MYO1D: variants seen among roughly 807,000 people sequenced by gnomAD.
The protein encoded by MYO1D is myosin ID.
Under a neutral mutation model 122.0 loss-of-function variants are expected in MYO1D, and 83 were observed. That is an observed-to-expected ratio of 0.68 (90% confidence interval 0.57 to 0.82). The LOEUF (loss-of-function observed/expected upper bound fraction) is 0.82, where lower values mean the gene tolerates loss of function less well. Ranked by LOEUF, MYO1D falls within the 40% of genes least tolerant of loss-of-function variation. The pLI is 0.00. For missense variants in MYO1D, 1,157 were observed against 1,269.5 expected (o/e 0.91, Z 1.35); for synonymous variants, 464 against 446.9 (o/e 1.04, Z -0.48).
chr17:32,873,410 T>TCATG (rs749980803), intron 1 of MYO1D, among the ~76,000 whole-genome samples: 4 of 151,958 alleles, frequency 2.6e-5, no homozygotes, highest in Non-Finnish European at 5.9e-5. Context: ...AGGGCAGGAG[T>TCATG]CATGAGGTAC....
intron 16 of MYO1D, among the ~76,000 whole-genome samples, chr17:32,709,338 G>C (rs753083748): frequency 1.3e-5 from 2 of 151,962 alleles, no homozygotes; most frequent in Non-Finnish European, 2.9e-5. Context: ...TCAATCTCTT[G>C]AATAGGTAGA....
At chr17:32,671,431 A>T (rs1308856630) in intron 16 of MYO1D, among the ~76,000 whole-genome samples, 1 of 152,234 alleles carries the variant, frequency 6.6e-6, no homozygotes, top group African/African-American at 2.4e-5. Flanking sequence ...TATAGTTAAA[A>T]TTTTAACATT....
At chr17:32,765,304 A>C (rs2090044326) in intron 7 of MYO1D, among the ~76,000 whole-genome samples, 1 of 151,992 alleles carries the variant, frequency 6.6e-6, no homozygotes, top group Non-Finnish European at 1.5e-5. Flanking sequence ...AAAGTTTTAC[A>C]TTTTTATGTA....
In MYO1D at chr17:32,512,108, C is replaced by A. The variant is rs186052313; in HGVS notation, c.2865-17193G>T. Among the ~76,000 whole-genome samples, 940 of 152,210 alleles carry A rather than the reference C, an allele frequency of 6.2e-3. 8 individuals are homozygous for A. The highest frequency in any genetic ancestry group is 0.017 in the Admixed American group (257 of 15,296). On this transcript the variant is annotated intron_variant, in intron 21 of 21. Transcript: ENST00000318217. Reference sequence around the variant, plus strand: ...CTGAGGTCAGGTGTTCGAGACCAGACGGACCAACATGGTGAAACCCCATCT... The same window carrying A: ...CTGAGGTCAGGTGTTCGAGACCAGAAGGACCAACATGGTGAAACCCCATCT...
chr17:32,765,738 G>T (rs1475350480), intron 7 of MYO1D, among the ~76,000 whole-genome samples: 1 of 152,138 alleles, frequency 6.6e-6, no homozygotes, highest in Non-Finnish European at 1.5e-5. Context: ...GATTACAGGC[G>T]TGAGCCACCG....
At chr17:32,638,904 G>T in intron 19 of MYO1D, 69 bp from the exon 20 acceptor site, 1 of 1,068,018 alleles carries the variant, frequency 9.4e-7, no homozygotes, top group Non-Finnish European at 1.5e-6. Context: ...TGATTGTGAA[G>T]ACAAATTCTT....
At chr17:32,666,628 G>A (rs1597987237) in intron 16 of MYO1D, among the ~76,000 whole-genome samples, 1 of 152,266 alleles carries the variant, frequency 6.6e-6, no homozygotes, top group African/African-American at 2.4e-5. Context: ...TAAGAAGTAG[G>A]GCAATTATGT....
chr17:32,679,085 C>T (rs946731125), intron 16 of MYO1D, among the ~76,000 whole-genome samples: 21 of 151,970 alleles, frequency 1.4e-4, no homozygotes, highest in South Asian at 6.2e-4. Flanking sequence ...TCATGTCCTT[C>T]GCCCACTTTT....
chr17:32,528,061 A>G (rs1910399516), intron 21 of MYO1D, among the ~76,000 whole-genome samples: 1 of 151,908 alleles, frequency 6.6e-6, no homozygotes, highest in Non-Finnish European at 1.5e-5. Context: ...CTGGTCTCGA[A>G]CTCCTGACCT....
chr17:32,606,603 A>C (rs1179256162), intron 20 of MYO1D, among the ~76,000 whole-genome samples: 1 of 152,276 alleles, frequency 6.6e-6, no homozygotes, highest in Non-Finnish European at 1.5e-5. Flanking sequence ...GAAAATCCAC[A>C]GATTGTATCA....
chr17:32,861,784 G>A (rs888702724), intron 1 of MYO1D, among the ~76,000 whole-genome samples: 2 of 152,162 alleles, frequency 1.3e-5, no homozygotes, highest in African/African-American at 2.4e-5. Context: ...GGGAGGCCAA[G>A]GCAGGTGTGG....
intron 21 of MYO1D, among the ~76,000 whole-genome samples, chr17:32,597,009 G>T (rs1435821432): frequency 1.3e-5 from 2 of 152,174 alleles, no homozygotes; most frequent in Non-Finnish European, 2.9e-5. Flanking sequence ...CTCACCTTAG[G>T]CTAATGTGAT....
intron 10 of MYO1D, among the ~76,000 whole-genome samples, chr17:32,756,953 C>A (rs2089952849): frequency 6.6e-6 from 1 of 152,158 alleles, no homozygotes; most frequent in African/African-American, 2.4e-5. Context: ...GAAAGGCCAA[C>A]TCAGGCAAGC....
intron 11 of MYO1D, among the ~76,000 whole-genome samples, chr17:32,751,767 A>C (rs935143448): frequency 4.6e-5 from 7 of 152,202 alleles, no homozygotes; most frequent in Non-Finnish European, 8.8e-5. Flanking sequence ...CTGACAAAAG[A>C]AGTCATAGAT....
intron 16 of MYO1D, among the ~76,000 whole-genome samples, chr17:32,678,355 CCACT>C (rs928328942): frequency 6.6e-6 from 1 of 151,062 alleles, no homozygotes; most frequent in African/African-American, 2.4e-5. Context: ...TGCGCTGCAC[CCACT>C]AACTCGTCAT....
At chr17:32,560,292 T>C (rs897628257) in intron 21 of MYO1D, among the ~76,000 whole-genome samples, 3 of 151,850 alleles carry the variant, frequency 2.0e-5, no homozygotes, top group African/African-American at 7.3e-5. Flanking sequence ...AAGCTGTATA[T>C]GCCTGATGTT....
In MYO1D at chr17:32,755,681, A is replaced by C. The variant is rs373140458; in HGVS notation, c.1297-19T>G. The C allele has an allele frequency of 1.2e-6, 2 of 1,606,194 alleles. No homozygotes were observed. The highest frequency in any genetic ancestry group is 2.7e-5 in the African/African-American group (2 of 74,794). On this transcript the variant is annotated intron_variant, in intron 10 of 21. Transcript: ENST00000318217. ...AGTCAATCTGTAGGACACAGCAAGG[A>C]GGGAATTCTGAAGAGAACAGTGACC...
At chr17:32,783,120 G>A (rs558109596) in intron 1 of MYO1D, among the ~76,000 whole-genome samples, 5 of 151,010 alleles carry the variant, frequency 3.3e-5, no homozygotes, top group African/African-American at 1.2e-4. Context: ...GAATCAAAAG[G>A]GCACGATTGT....
intron 12 of MYO1D, among the ~76,000 whole-genome samples, chr17:32,747,709 C>T (rs1229718732): frequency 2.0e-5 from 3 of 151,992 alleles, no homozygotes; most frequent in Admixed American, 1.3e-4. Flanking sequence ...TGGTGGTATG[C>T]GCCTGTAATC....
Sources: allele counts gnomAD v4.1 joint callset (sites outside exome capture counted in the v4.1 genomes callset), GRCh38; gene constraint gnomAD v4.1.1; transcripts MANE v1.5; gene names NCBI Gene and HGNC (gene_info 2026-07-23, HGNC 2026-07-21).